The following CDK14 variants were observed in gnomAD, a reference collection of about 807,000 sequenced individuals.
CDK14 encodes the protein cyclin-dependent kinase 14.
Under a neutral mutation model 60.7 loss-of-function variants are expected in CDK14, and 34 were observed. The observed-to-expected ratio is 0.56, with a 90% CI of 0.43 to 0.75. CDK14 has a LOEUF of 0.75. Among genes scored for constraint, CDK14 ranks in the 30% least tolerant of loss-of-function variants. CDK14 has a pLI of 0.00. For missense variants in CDK14, 482 were observed against 564.1 expected (o/e 0.85, Z 1.47); for synonymous variants, 197 against 203.7 (o/e 0.97, Z 0.28).
At position 90,683,128 on chromosome 7, in the gene CDK14, G is replaced by A. The variant is rs548632723; in HGVS notation, c.124-43439G>A. ...ATTTCCCCTAGAGTTAGCATTCATCGATTTGTCTTTACTGTGGTGGTTACA... is the reference window on the plus strand; with the variant it reads ...ATTTCCCCTAGAGTTAGCATTCATCAATTTGTCTTTACTGTGGTGGTTACA... On this transcript the variant is annotated intron_variant, in intron 2 of 14. Coordinates refer to ENST00000380050, the MANE Select transcript of CDK14 (RefSeq NM_001287135.2). 7.2e-5 allele frequency among the ~76,000 whole-genome samples: 11 copies of A among 152,158 alleles called. No individual in the cohort carries two copies. The Middle Eastern group carries it at 0.014, about 189-fold the overall frequency.
intron 14 of CDK14, among the ~76,000 whole-genome samples, chr7:91,173,318 G>T (rs944060639): frequency 6.6e-6 from 1 of 152,126 alleles, no homozygotes; most frequent in African/African-American, 2.4e-5. Context: ...CAGTTTTGGG[G>T]TGCGATGGCA....
chr7:90,919,622 T>C (rs1429411175), intron 8 of CDK14, among the ~76,000 whole-genome samples: 3 of 152,190 alleles, frequency 2.0e-5, no homozygotes, highest in Non-Finnish European at 4.4e-5. Flanking sequence ...CACTTGCATA[T>C]CACATAGCCT....
Position 91,043,221 on chromosome 7 carries a change from C to T in CDK14, c.1042-2676C>T, listed in dbSNP as rs537465106. ...AATGCCTACAAAAAAGTTTTGCTAACGCAAGCATTGTAGAAACAGAGGCAG... is the reference window on the plus strand; with the variant it reads ...AATGCCTACAAAAAAGTTTTGCTAATGCAAGCATTGTAGAAACAGAGGCAG... On this transcript the variant is annotated intron_variant, in intron 10 of 14. Coordinates refer to ENST00000380050, the MANE Select transcript of CDK14 (RefSeq NM_001287135.2). Among the ~76,000 whole-genome samples, 12 of 152,314 alleles carry T rather than the reference C, an allele frequency of 7.9e-5. No homozygotes were observed. In the South Asian group the frequency reaches 1.9e-3, roughly 24 times the overall value.
At chr7:91,070,900 A>T (rs2116178315) in intron 11 of CDK14, among the ~76,000 whole-genome samples, 1 of 152,314 alleles carries the variant, frequency 6.6e-6, no homozygotes, top group East Asian at 1.9e-4. Flanking sequence ...AAACACTATG[A>T]TACTGACATA....
At chr7:91,079,567 G>GATTC in intron 12 of CDK14, 87 bp downstream of exon 12, 1 of 909,160 alleles carries the variant, frequency 1.1e-6, no homozygotes, top group South Asian at 1.4e-5. Context: ...TGGCATTGTT[G>GATTC]ATTCATCCTG....
intron 2 of CDK14, among the ~76,000 whole-genome samples, chr7:90,699,259 A>T (rs566334777): frequency 2.0e-5 from 3 of 152,346 alleles, no homozygotes; most frequent in African/African-American, 7.2e-5. Context: ...CAAGACAAGT[A>T]CAAGCCCTCC....
At chr7:91,164,094 C>G (rs1008229061) in intron 14 of CDK14, among the ~76,000 whole-genome samples, 5 of 152,068 alleles carry the variant, frequency 3.3e-5, no homozygotes, top group Admixed American at 1.3e-4. Context: ...TGACAGGGCA[C>G]GTAGCATACA....
At chr7:90,714,342 G>A (rs544091827) in intron 2 of CDK14, among the ~76,000 whole-genome samples, 26 of 152,090 alleles carry the variant, frequency 1.7e-4, no homozygotes, top group South Asian at 4.1e-4. Context: ...TTTGTTTTCC[G>A]GTGACAGACA....
intron 2 of CDK14, 46 bp downstream of exon 2, chr7:90,604,295 C>T (rs764469996): frequency 2.4e-6 from 3 of 1,267,066 alleles, no homozygotes; most frequent in Non-Finnish European, 3.2e-6. Context: ...TTAATGACTA[C>T]CAGGTAAAGT....
chr7:90,914,816 C>T (rs1226990203), intron 7 of CDK14, among the ~76,000 whole-genome samples: 1 of 152,132 alleles, frequency 6.6e-6, no homozygotes, highest in African/African-American at 2.4e-5. Context: ...TCGAGAATTC[C>T]ATTCCAAGGC....
chr7:90,810,967 G>T (rs1583996001), intron 5 of CDK14, among the ~76,000 whole-genome samples: 2 of 152,176 alleles, frequency 1.3e-5, no homozygotes, highest in Non-Finnish European at 2.9e-5. Flanking sequence ...AAATAAAAGA[G>T]GATACAAACA....
rs1408956904 is a variant in CDK14, at chr7:90,711,882, A to ACG, written c.124-14685_124-14684insCG. 8.5e-3 allele frequency among the ~76,000 whole-genome samples: 941 copies of ACG among 110,818 alleles called. 31 individuals are homozygous for ACG. The highest frequency in any genetic ancestry group is 0.029 in the East Asian group (58 of 2,026). The allele number at this position is 110,818 out of a possible 152,430, so 72.7% of individuals were successfully genotyped here. A position where few individuals can be genotyped will look rare whatever the true frequency, so the allele number is the denominator to read the frequency against. ...GTTCTTATGGAACTTATAGTCTACTATGTTTTTTTTTTTTTTTTTCAATTG... is the reference window on the plus strand; with the variant it reads ...GTTCTTATGGAACTTATAGTCTACTACGTGTTTTTTTTTTTTTTTTTCAATTG... On this transcript the variant is annotated intron_variant, in intron 2 of 14. Transcript: ENST00000380050.
chr7:91,018,781 C>T (rs1562870594), intron 10 of CDK14, among the ~76,000 whole-genome samples: 1 of 152,232 alleles, frequency 6.6e-6, no homozygotes, highest in Admixed American at 6.5e-5. Context: ...CTTCATGTTC[C>T]TCCATGATTG....
intron 5 of CDK14, among the ~76,000 whole-genome samples, chr7:90,861,436 G>C (rs1791006860): frequency 6.6e-6 from 1 of 152,194 alleles, no homozygotes; most frequent in South Asian, 2.1e-4. Flanking sequence ...TTAAGAAGCT[G>C]TGAAAAACAG....
intron 11 of CDK14, among the ~76,000 whole-genome samples, chr7:91,048,442 A>G (rs1797300324): frequency 6.6e-6 from 1 of 152,238 alleles, no homozygotes; most frequent in South Asian, 2.1e-4. Context: ...GCTATTATAA[A>G]TATTAATGCA....
Position 90,601,920 on chromosome 7 carries a change from TTTTATGTA to T in CDK14, c.92-2296_92-2289del, listed in dbSNP as rs1423774416. ...GGGCACCACCACCACGCTTGGCTAATTTTATGTATGTATGTATGTATGTATGTATGTAT... is the reference window on the plus strand; with the variant it reads ...GGGCACCACCACCACGCTTGGCTAATTGTATGTATGTATGTATGTATGTAT... On this transcript the variant is annotated intron_variant, in intron 1 of 14. Transcript: ENST00000380050. 6.0e-3 allele frequency among the ~76,000 whole-genome samples: 753 copies of T among 125,814 alleles called. 9 individuals are homozygous for T. Among genetic ancestry groups the T allele is most frequent in the African/African-American group, 0.018 (594 of 32,602 alleles). 82.5% of individuals were successfully genotyped at this position (125,814 alleles called of 152,430 possible). A position where few individuals can be genotyped will look rare whatever the true frequency, so the allele number is the denominator to read the frequency against.
intron 2 of CDK14, among the ~76,000 whole-genome samples, chr7:90,627,546 T>G (rs1291337138): frequency 6.6e-6 from 1 of 152,198 alleles, no homozygotes; most frequent in African/African-American, 2.4e-5. Flanking sequence ...TTCTTCTTAC[T>G]ATAAAAAGCA....
At position 91,045,969 on chromosome 7, in the gene CDK14, C is replaced by A. The variant is rs781072540; in HGVS notation, c.1105+9C>A. ...ACCACATTTTAAGCCAGGTATGTTT[C>A]ATTAATTACAGATGACTAGGTGCTT... is the stretch of plus-strand genomic sequence containing the variant. On this transcript the variant is annotated intron_variant, in intron 11 of 14. Coordinates refer to ENST00000380050, the MANE Select transcript of CDK14 (RefSeq NM_001287135.2). 36 of 1,573,996 alleles carry A rather than the reference C, an allele frequency of 2.3e-5. No homozygotes were observed. Among genetic ancestry groups the A allele is most frequent in the Non-Finnish European group, 3.0e-5 (34 of 1,143,774 alleles).
At chr7:90,892,137 G>A (rs1792151035) in intron 6 of CDK14, among the ~76,000 whole-genome samples, 1 of 152,194 alleles carries the variant, frequency 6.6e-6, no homozygotes, top group Non-Finnish European at 1.5e-5. Context: ...AGTGGCTTTA[G>A]ATGGAGGGAT....
Sources: allele counts gnomAD v4.1 joint callset (sites outside exome capture counted in the v4.1 genomes callset), GRCh38; gene constraint gnomAD v4.1.1; transcripts MANE v1.5; gene names NCBI Gene and HGNC (gene_info 2026-07-23, HGNC 2026-07-21).